Variants in PRKG1 observed in about 807,000 individuals in gnomAD.
PRKG1 encodes the protein cGMP-dependent protein kinase 1.
PRKG1 carries 35 observed loss-of-function variants against 88.1 expected under a neutral mutation model. The ratio of observed to expected loss-of-function variants is 0.40; its 90% CI spans 0.30 to 0.53. The LOEUF is 0.53. PRKG1 is among the 20% of genes least tolerant of loss of function. The pLI, the probability that PRKG1 is intolerant of heterozygous loss-of-function variation, is 0.59. For synonymous variants in PRKG1, 303 were observed against 292.5 expected (o/e 1.04, Z -0.37); for missense variants, 540 against 839.8 (o/e 0.64, Z 4.41).
chr10:51,501,113 C>T (rs1237196519), intron 3 of PRKG1, among the ~76,000 whole-genome samples: 1 of 152,112 alleles, frequency 6.6e-6, no homozygotes, highest in Non-Finnish European at 1.5e-5. Flanking sequence ...TCCTGTGATT[C>T]TGAATCACGC....
chr10:51,140,084 G>A (rs567102266), intron 1 of PRKG1, among the ~76,000 whole-genome samples: 1 of 152,258 alleles, frequency 6.6e-6, no homozygotes, highest in Non-Finnish European at 1.5e-5. Flanking sequence ...TCTGCTTTGA[G>A]CACCTTTCCT....
chr10:51,393,852 A>G (rs545980072), intron 2 of PRKG1, among the ~76,000 whole-genome samples: 1 of 152,222 alleles, frequency 6.6e-6, no homozygotes, highest in Admixed American at 6.5e-5. Context: ...TGATCTTGAG[A>G]GTCACACAAT....
intron 5 of PRKG1, among the ~76,000 whole-genome samples, chr10:51,918,763 A>G (rs966484844): frequency 3.9e-5 from 6 of 152,206 alleles, no homozygotes; most frequent in Non-Finnish European, 8.8e-5. Flanking sequence ...GCAGATCACG[A>G]TGAGCTCCAA....
chr10:52,152,492 TAA>T (rs1034047799), intron 8 of PRKG1, among the ~76,000 whole-genome samples: 3 of 152,010 alleles, frequency 2.0e-5, no homozygotes, highest in African/African-American at 7.2e-5. Flanking sequence ...CAGTCCTGTA[TAA>T]AGAGGAAACA....
intron 2 of PRKG1, among the ~76,000 whole-genome samples, chr10:51,372,616 TATA>T (rs1434900183): frequency 6.6e-6 from 1 of 152,174 alleles, no homozygotes; most frequent in Non-Finnish European, 1.5e-5. Context: ...TATCACTAAG[TATA>T]ATATTTCCTA....
intron 5 of PRKG1, among the ~76,000 whole-genome samples, chr10:51,979,410 G>GTTTTTGTTT (rs1843937005): frequency 2.1e-5 from 1 of 47,054 alleles, no homozygotes; most frequent in Non-Finnish European, 3.6e-5. Flanking sequence ...ATATTGGTCT[G>GTTTTTGTTT]TTTTTTTTTT....
At chr10:51,012,314 G>A (rs1843002715) in intron 1 of PRKG1, among the ~76,000 whole-genome samples, 1 of 152,150 alleles carries the variant, frequency 6.6e-6, no homozygotes, top group African/African-American at 2.4e-5. Flanking sequence ...TCAAGGAGAG[G>A]GCTGTTGACA....
At chr10:51,804,506 C>T in intron 3 of PRKG1, 79 bp from the exon 4 acceptor site, 1 of 941,936 alleles carries the variant, frequency 1.1e-6, no homozygotes, top group Non-Finnish European at 1.7e-6. Flanking sequence ...AATAGCTCAT[C>T]TCCTTTGCAG....
intron 3 of PRKG1, among the ~76,000 whole-genome samples, chr10:51,553,860 TAA>T (rs1205691647): frequency 0.033 from 3,738 of 113,060 alleles, 560 homozygotes; most frequent in South Asian, 0.051. Flanking sequence ...TACGTGTATA[TAA>T]TATATGTATG....
intron 2 of PRKG1, among the ~76,000 whole-genome samples, chr10:51,421,049 G>C (rs1168457692): frequency 6.6e-6 from 1 of 152,220 alleles, no homozygotes. Flanking sequence ...AATTCAACAT[G>C]AGATTTGGGC....
intron 2 of PRKG1, among the ~76,000 whole-genome samples, chr10:51,427,303 G>A (rs9888096): frequency 6.6e-6 from 1 of 152,116 alleles, no homozygotes; most frequent in African/African-American, 2.4e-5. Flanking sequence ...GTGAGCAAAC[G>A]CTGATGCTAA....
At chr10:51,893,423 T>A (rs1589395869) in intron 4 of PRKG1, among the ~76,000 whole-genome samples, 1 of 152,188 alleles carries the variant, frequency 6.6e-6, no homozygotes, top group South Asian at 2.1e-4. Flanking sequence ...ATGAAGCTGC[T>A]GTCAGGGCAC....
At chr10:52,033,055 C>T (rs904356869) in intron 5 of PRKG1, among the ~76,000 whole-genome samples, 1 of 152,092 alleles carries the variant, frequency 6.6e-6, no homozygotes, top group Admixed American at 6.6e-5. Flanking sequence ...GAGACTGGGT[C>T]TTATATCTAT....
chr10:51,663,363 A>G (rs1453990987), intron 3 of PRKG1, among the ~76,000 whole-genome samples: 1 of 152,090 alleles, frequency 6.6e-6, no homozygotes, highest in Non-Finnish European at 1.5e-5. Context: ...TTCATCTTAT[A>G]GCTTATTCCT....
intron 3 of PRKG1, among the ~76,000 whole-genome samples, chr10:51,746,966 CACCTTATTTCAAAAGG>C (rs1837598120): frequency 6.6e-6 from 1 of 152,036 alleles, no homozygotes; most frequent in Non-Finnish European, 1.5e-5. Context: ...TTCTGGCTAC[CACCTTATTTCAAAAGG>C]ACTATTACTC....
At chr10:51,881,385 G>A (rs534281618) in intron 4 of PRKG1, among the ~76,000 whole-genome samples, 2 of 152,310 alleles carry the variant, frequency 1.3e-5, no homozygotes, top group Admixed American at 1.3e-4. Flanking sequence ...TGTCAGCTGG[G>A]TCACTAAGCT....
chr10:51,159,069 T>C (rs1846293039), intron 2 of PRKG1, among the ~76,000 whole-genome samples: 1 of 152,106 alleles, frequency 6.6e-6, no homozygotes, highest in African/African-American at 2.4e-5. Context: ...AGGGTGGACA[T>C]GAATCATGCT....
chr10:51,706,135 A>G (rs933942510), intron 3 of PRKG1, among the ~76,000 whole-genome samples: 1 of 152,258 alleles, frequency 6.6e-6, no homozygotes, highest in African/African-American at 2.4e-5. Flanking sequence ...CTTCACCTAA[A>G]GACTTTTATA....
At chr10:52,015,950 T>G (rs2133180799) in intron 5 of PRKG1, among the ~76,000 whole-genome samples, 1 of 152,336 alleles carries the variant, frequency 6.6e-6, no homozygotes, top group East Asian at 1.9e-4. Flanking sequence ...CAGCCTGGAC[T>G]TCATTGTTCA....
Sources: allele counts gnomAD v4.1 joint callset (sites outside exome capture counted in the v4.1 genomes callset), GRCh38; gene constraint gnomAD v4.1.1; transcripts MANE v1.5; gene names NCBI Gene and HGNC (gene_info 2026-07-23, HGNC 2026-07-21).